The following TRPC4 variants were observed in gnomAD, a reference collection of about 807,000 sequenced individuals.
TRPC4 encodes the protein short transient receptor potential channel 4.
A neutral mutation model predicts 99.4 loss-of-function variants in TRPC4; 49 were observed. The observed-to-expected ratio is 0.49, with a 90% CI of 0.39 to 0.63. The LOEUF (loss-of-function observed/expected upper bound fraction) is 0.63, where lower values mean the gene tolerates loss of function less well. TRPC4 is among the 20% of genes least tolerant of loss of function. The probability of loss-of-function intolerance (pLI) is 0.00; values close to 1 mark genes in which losing one functional copy is unlikely to be tolerated. For synonymous variants in TRPC4, 454 were observed against 425.9 expected, an observed-to-expected ratio of 1.07 and a Z score of -0.81; for missense variants, 898 against 1,152.9, an observed-to-expected ratio of 0.78 and a Z score of 3.20.
chr13:37,718,296 C>A (rs1250103533), intron 3 of TRPC4, among the ~76,000 whole-genome samples: 2 of 151,770 alleles, frequency 1.3e-5, no homozygotes, highest in Non-Finnish European at 2.9e-5. Context: ...CACGCACATA[C>A]ACACAAACAG....
chr13:37,743,749 A>C (rs980649383), intron 3 of TRPC4, among the ~76,000 whole-genome samples: 1 of 152,196 alleles, frequency 6.6e-6, no homozygotes, highest in East Asian at 1.9e-4. Context: ...AGAAATTCAA[A>C]TTACAATTTC....
At chr13:37,644,798 G>A (rs968445609) in intron 8 of TRPC4, among the ~76,000 whole-genome samples, 8 of 150,520 alleles carry the variant, frequency 5.3e-5, no homozygotes, top group African/African-American at 1.7e-4. Flanking sequence ...GCGTGAACCC[G>A]GGAGGTGGAG....
At chr13:37,755,499 T>C (rs1186969993) in intron 2 of TRPC4, among the ~76,000 whole-genome samples, 1 of 151,932 alleles carries the variant, frequency 6.6e-6, no homozygotes, top group Non-Finnish European at 1.5e-5. Flanking sequence ...CTCAAACTCC[T>C]AGGCTCAAGT....
intron 4 of TRPC4, among the ~76,000 whole-genome samples, chr13:37,687,858 C>A (rs748384740): frequency 6.6e-5 from 10 of 152,158 alleles, no homozygotes; most frequent in Non-Finnish European, 1.3e-4. Flanking sequence ...CTTGATCAAA[C>A]AACTGTTTTA....
intron 2 of TRPC4, among the ~76,000 whole-genome samples, chr13:37,772,901 C>T (rs1391813675): frequency 1.3e-5 from 2 of 151,694 alleles, no homozygotes; most frequent in Non-Finnish European, 2.9e-5. Flanking sequence ...AAATCTCCTA[C>T]ACTCTCGTGA....
intron 1 of TRPC4, among the ~76,000 whole-genome samples, chr13:37,789,846 A>G (rs2033231793): frequency 6.6e-6 from 1 of 152,118 alleles, no homozygotes; most frequent in South Asian, 2.1e-4. Context: ...TCAGAATGGC[A>G]CAAGACTTTA....
At chr13:37,839,622 G>A (rs1958677445) in intron 1 of TRPC4, among the ~76,000 whole-genome samples, 1 of 152,048 alleles carries the variant, frequency 6.6e-6, no homozygotes, top group Non-Finnish European at 1.5e-5. Flanking sequence ...CTTACCAACT[G>A]CACTGTCAGA....
At chr13:37,743,300 A>G (rs185437980) in intron 3 of TRPC4, among the ~76,000 whole-genome samples, 4 of 152,244 alleles carry the variant, frequency 2.6e-5, no homozygotes, top group African/African-American at 9.6e-5. Context: ...TCACCCTTCC[A>G]TAACTTCATA....
At chr13:37,643,217 T>C (rs1054838351) in intron 8 of TRPC4, among the ~76,000 whole-genome samples, 122 of 152,142 alleles carry the variant, frequency 8.0e-4, no homozygotes, top group African/African-American at 2.9e-3. Flanking sequence ...GAATTAGAAC[T>C]CTCTTAACTT....
At chr13:37,736,781 T>C (rs1374834369) in intron 3 of TRPC4, among the ~76,000 whole-genome samples, 5 of 152,192 alleles carry the variant, frequency 3.3e-5, no homozygotes, top group Middle Eastern at 3.4e-3. Flanking sequence ...CAGGCTGAAG[T>C]GTACTGGCGC....
chr13:37,802,732 T>G (rs889914683), intron 1 of TRPC4, among the ~76,000 whole-genome samples: 11 of 152,078 alleles, frequency 7.2e-5, no homozygotes, highest in Admixed American at 6.6e-4. Context: ...AGTGAGAAAT[T>G]TATTAAAAAG....
intron 3 of TRPC4, among the ~76,000 whole-genome samples, chr13:37,718,870 G>C (rs1954766480): frequency 6.6e-6 from 1 of 151,960 alleles, no homozygotes; most frequent in Non-Finnish European, 1.5e-5. Flanking sequence ...AGGAGATAAT[G>C]GCATAAAGTT....
intron 1 of TRPC4, among the ~76,000 whole-genome samples, chr13:37,784,052 A>C (rs920913654): frequency 6.6e-6 from 1 of 152,072 alleles, no homozygotes; most frequent in Non-Finnish European, 1.5e-5. Flanking sequence ...AGTTAATGTA[A>C]ATTAACAACA....
At chr13:37,783,525 T>G (rs899585585) in intron 1 of TRPC4, among the ~76,000 whole-genome samples, 165 bp from the exon 2 acceptor site, 1 of 151,784 alleles carries the variant, frequency 6.6e-6, no homozygotes, top group Non-Finnish European at 1.5e-5. Flanking sequence ...AAATACTAAA[T>G]AGTTGTTCAA....
intron 1 of TRPC4, among the ~76,000 whole-genome samples, chr13:37,806,991 C>T (rs1957542926): frequency 1.3e-5 from 2 of 152,022 alleles, no homozygotes; most frequent in South Asian, 4.1e-4. Context: ...CTAATGAAAA[C>T]TCCAACTATT....
intron 5 of TRPC4, among the ~76,000 whole-genome samples, chr13:37,665,708 T>C (rs1952622107): frequency 1.3e-5 from 2 of 152,072 alleles, no homozygotes; most frequent in Non-Finnish European, 2.9e-5. Flanking sequence ...CTAGGAAAGA[T>C]GCTATGCATT....
At chr13:37,866,293 A>G (rs1434490241) in intron 1 of TRPC4, among the ~76,000 whole-genome samples, 1 of 151,758 alleles carries the variant, frequency 6.6e-6, no homozygotes, top group Non-Finnish European at 1.5e-5. Flanking sequence ...ACACTGCTAT[A>G]TTTTTAAAAA....
chr13:37,721,394 A>G (rs1954862972), intron 3 of TRPC4, among the ~76,000 whole-genome samples: 1 of 152,166 alleles, frequency 6.6e-6, no homozygotes, highest in African/African-American at 2.4e-5. Flanking sequence ...GTGGCATTCA[A>G]AATATATTTC....
At chr13:37,661,917 A>T (rs1952454500) in intron 6 of TRPC4, among the ~76,000 whole-genome samples, 1 of 152,134 alleles carries the variant, frequency 6.6e-6, no homozygotes, top group Non-Finnish European at 1.5e-5. Context: ...ATTTCATTGA[A>T]TTCCTCCTGC....
Sources: allele counts gnomAD v4.1 joint callset (sites outside exome capture counted in the v4.1 genomes callset), GRCh38; gene constraint gnomAD v4.1.1; transcripts MANE v1.5; gene names NCBI Gene and HGNC (gene_info 2026-07-23, HGNC 2026-07-21).